ADGRA1: variants seen among roughly 807,000 people sequenced by gnomAD.
ADGRA1 encodes the protein G-protein coupled receptor 123.
ADGRA1 carries 12 observed loss-of-function variants against 21.3 expected under a neutral mutation model. The observed-to-expected ratio is 0.56, with a 90% CI of 0.36 to 0.91. The LOEUF (loss-of-function observed/expected upper bound fraction) is 0.91. ADGRA1 is among the 40% of genes least tolerant of loss of function. ADGRA1 has a pLI of 0.01. For missense variants in ADGRA1, 790 were observed against 805.6 expected, an observed-to-expected ratio of 0.98 and a Z score of 0.23; for synonymous variants, 385 against 368.8, an observed-to-expected ratio of 1.04 and a Z score of -0.50.
intron 1 of ADGRA1, 37 bp from the exon 2 acceptor site, chr10:133,088,671 C>G (rs1301669257): frequency 3.3e-6 from 4 of 1,200,826 alleles, no homozygotes; most frequent in Non-Finnish European, 4.2e-6. Flanking sequence ...CCGCGGGGAC[C>G]CTCCGCCCGC....
In ADGRA1 at chr10:133,102,832, C is replaced by G; in HGVS notation, c.391C>G (p.Pro131Ala). 6.2e-7 allele frequency: 1 copy of G among 1,610,654 alleles called. No homozygotes were observed. The highest frequency in any genetic ancestry group is 1.1e-5 in the South Asian group (1 of 91,024). Residue 131 changes from proline to alanine, a missense_variant, in exon 5 of 7, where the codon CCC (proline) becomes GCC (alanine). Transcript: ENST00000392607. ...AGACCAGCCACCGTACCCCAGGCAG[C>G]CCCTGCTCAGGTACTGAGTGCACAT... ...DTDQPPYPRQPLLRFYLVSGG... is the reference protein window; with the variant it reads ...DTDQPPYPRQALLRFYLVSGG...
intron 5 of ADGRA1, among the ~76,000 whole-genome samples, chr10:133,121,685 T>G (rs1485419505): frequency 6.8e-6 from 1 of 147,986 alleles, no homozygotes; most frequent in African/African-American, 2.5e-5. Context: ...TGTGTGCATG[T>G]GAGTGCCTGT....
At chr10:133,105,746 C>A (rs914166132) in intron 5 of ADGRA1, among the ~76,000 whole-genome samples, 2 of 152,200 alleles carry the variant, frequency 1.3e-5, no homozygotes, top group African/African-American at 4.8e-5. Context: ...GGATTGGACT[C>A]CGTGGGCAGG....
chr10:133,093,031 G>C (rs748203495), intron 2 of ADGRA1: 98 of 1,595,416 alleles, frequency 6.1e-5, no homozygotes, highest in Non-Finnish European at 8.3e-5. Flanking sequence ...CGGAGCTGCA[G>C]ACCTGGCCCC....
At chr10:133,120,014 G>T (rs1852226732) in intron 5 of ADGRA1, among the ~76,000 whole-genome samples, 1 of 152,246 alleles carries the variant, frequency 6.6e-6, no homozygotes. Context: ...GTCAGCCTGT[G>T]CTTGGAAGCT....
chr10:133,127,218 C>T lies in ADGRA1; in HGVS notation c.402-15C>T. Reference sequence around the variant, plus strand: ...GCGGCGTCTGCAAGGGGGTCAACGCCTTCCTCCCCGGCAGGTTTTACCTCG... The same window carrying T: ...GCGGCGTCTGCAAGGGGGTCAACGCTTTCCTCCCCGGCAGGTTTTACCTCG... On this transcript the variant is annotated splice_polypyrimidine_tract_variant and intron_variant, in intron 5 of 6. Coordinates refer to ENST00000392607, the MANE Select transcript of ADGRA1 (RefSeq NM_001083909.3). The T allele has an allele frequency of 6.4e-7, 1 of 1,557,186 alleles. No homozygotes were observed. Among genetic ancestry groups the T allele is most frequent in the Non-Finnish European group, 8.7e-7 (1 of 1,151,970 alleles).
Position 133,130,033 on chromosome 10 carries a change from C to T in ADGRA1, c.*522C>T, listed in dbSNP as rs3827689. 30,911 of 156,366 alleles carry T rather than the reference C, an allele frequency of 0.2. 3,618 individuals are homozygous for T. Among genetic ancestry groups the T allele is most frequent in the East Asian group, 0.47 (2,435 of 5,198 alleles). The allele number at this position is 156,366 out of a possible 1,614,324, so 9.7% of individuals were successfully genotyped here. A position where few individuals can be genotyped will look rare whatever the true frequency, so the allele number is the denominator to read the frequency against. ...GTCTTGCGTTCTACTCCGGGGGTGGCGGCGGCAGGTCTGTCCCCAGCATTC... is the reference window on the plus strand; with the variant it reads ...GTCTTGCGTTCTACTCCGGGGGTGGTGGCGGCAGGTCTGTCCCCAGCATTC... On this transcript the variant is annotated 3_prime_UTR_variant, in exon 7 of 7. Coordinates refer to ENST00000392607, the MANE Select transcript of ADGRA1 (RefSeq NM_001083909.3).
Position 133,098,659 on chromosome 10 carries a change from A to C in ADGRA1, c.151A>C (p.Lys51Gln). 1 of 1,610,386 alleles carries C rather than the reference A, an allele frequency of 6.2e-7. No individual in the cohort carries two copies. Among genetic ancestry groups the C allele is most frequent in the Non-Finnish European group, 8.5e-7 (1 of 1,179,800 alleles). Residue 51 changes from lysine to glutamine, a missense_variant, in exon 4 of 7, where the codon AAG becomes CAG. Transcript: ENST00000392607. ...VHQSAIRISR[K>Q]GRHTLLNFCF... ...CCACAGCGCCATCCGCATCAGCCGC[A>C]AGGGCCGGCACACGCTCCTGAATTT...
chr10:133,122,870 C>CACACGCG (rs1852300756), intron 5 of ADGRA1, among the ~76,000 whole-genome samples: 1 of 152,240 alleles, frequency 6.6e-6, no homozygotes, highest in African/African-American at 2.4e-5. Flanking sequence ...CGTCCCCAGG[C>CACACGCG]TGCACTGGCT....
At chr10:133,097,310 G>A (rs1375165532) in intron 3 of ADGRA1, among the ~76,000 whole-genome samples, 2 of 152,220 alleles carry the variant, frequency 1.3e-5, no homozygotes, top group Admixed American at 6.5e-5. Flanking sequence ...GGGAAGCCGC[G>A]CCTGTCCACT....
At chr10:133,118,942 G>A (rs558845241) in intron 5 of ADGRA1, among the ~76,000 whole-genome samples, 2 of 151,404 alleles carry the variant, frequency 1.3e-5, no homozygotes. Context: ...TTGCACACAT[G>A]TGCACACACA....
At chr10:133,095,299 C>T (rs1190488488) in intron 2 of ADGRA1, among the ~76,000 whole-genome samples, 1 of 152,252 alleles carries the variant, frequency 6.6e-6, no homozygotes, top group South Asian at 2.1e-4. Flanking sequence ...GAGGGTGGGG[C>T]TCTCCTGGGC....
chr10:133,122,572 C>A (rs1328550078), intron 5 of ADGRA1, among the ~76,000 whole-genome samples: 2 of 152,344 alleles, frequency 1.3e-5, no homozygotes, highest in Middle Eastern at 3.4e-3. Flanking sequence ...TTTAAAAATA[C>A]TTTCTAGATT....
In ADGRA1 at chr10:133,121,598, G is replaced by A. The variant is rs1452519414; in HGVS notation, c.402-5635G>A. On this transcript the variant is annotated intron_variant, in intron 5 of 6. Coordinates refer to ENST00000392607, the MANE Select transcript of ADGRA1 (RefSeq NM_001083909.3). ...TGCCTGTGCATGTGTGTGCCTGTGCGTTTGTGCATGTGAGTGCCTGTGTGT... is the reference window on the plus strand; with the variant it reads ...TGCCTGTGCATGTGTGTGCCTGTGCATTTGTGCATGTGAGTGCCTGTGTGT... 8.1e-5 allele frequency among the ~76,000 whole-genome samples: 12 copies of A among 148,116 alleles called. No individual in the cohort carries two copies. In the South Asian group the frequency reaches 8.7e-4, roughly 11 times the overall value.
At position 133,129,518 on chromosome 10, in the gene ADGRA1, G is replaced by A. The variant is rs762310924; in HGVS notation, c.*7G>A. The A allele has an allele frequency of 2.5e-6, 4 of 1,579,134 alleles. No individual in the cohort carries two copies. The highest frequency in any genetic ancestry group is 3.4e-6 in the Non-Finnish European group (4 of 1,168,216). On this transcript the variant is annotated 3_prime_UTR_variant, in exon 7 of 7. Coordinates refer to ENST00000392607, the MANE Select transcript of ADGRA1 (RefSeq NM_001083909.3). ...AAACGAAACTACTGTGTAGATGGGGGCAGAGGACACGGTGTTCCTGGAGGA... is the reference window on the plus strand; with the variant it reads ...AAACGAAACTACTGTGTAGATGGGGACAGAGGACACGGTGTTCCTGGAGGA...
At chr10:133,089,406 G>C (rs187898290) in intron 2 of ADGRA1, among the ~76,000 whole-genome samples, 63 of 152,338 alleles carry the variant, frequency 4.1e-4, no homozygotes, top group Non-Finnish European at 2.4e-4. Context: ...CCGCGCACAC[G>C]GCAGGCACGG....
Position 133,095,229 on chromosome 10 carries a change from G to A in ADGRA1, c.4-1745G>A, listed in dbSNP as rs1347896225. On this transcript the variant is annotated intron_variant, in intron 2 of 6. Transcript: ENST00000392607. ...GGCAACTGACGCTTCGGGCTCTGGG[G>A]CACTCAGGAGAATCTGGACAGAGGC... 3.3e-5 allele frequency among the ~76,000 whole-genome samples: 5 copies of A among 152,144 alleles called. No homozygotes were observed. In the East Asian group the frequency reaches 9.6e-4, roughly 29 times the overall value.
At chr10:133,112,446 A>G (rs148400637) in intron 5 of ADGRA1, among the ~76,000 whole-genome samples, 14,425 of 87,430 alleles carry the variant, frequency 0.16, 1,472 homozygotes, top group East Asian at 0.49. Context: ...TTTGGGGTCT[A>G]CGGGCCACGT....
chr10:133,097,145 C>T (rs746928851), intron 3 of ADGRA1, 44 bp downstream of exon 3: 2 of 1,597,048 alleles, frequency 1.3e-6, no homozygotes, highest in Non-Finnish European at 1.7e-6. Flanking sequence ...CCCAAGAAAC[C>T]TGCTTTTACC....
Sources: allele counts gnomAD v4.1 joint callset (sites outside exome capture counted in the v4.1 genomes callset), GRCh38; gene constraint gnomAD v4.1.1; transcripts MANE v1.5; gene names NCBI Gene and HGNC (gene_info 2026-07-23, HGNC 2026-07-21).